Variants in ARHGAP11A observed in about 807,000 individuals in gnomAD.
The protein encoded by ARHGAP11A is rho GTPase-activating protein 11A.
ARHGAP11A carries 36 observed loss-of-function variants against 60.5 expected under a neutral mutation model. The ratio of observed to expected loss-of-function variants is 0.59; its 90% CI spans 0.46 to 0.79. The LOEUF is 0.79. Among genes scored for constraint, ARHGAP11A ranks in the 30% least tolerant of loss-of-function variants. The pLI is 0.00. For synonymous variants in ARHGAP11A, 362 were observed against 415.5 expected, an observed-to-expected ratio of 0.87 and a Z score of 1.57; for missense variants, 1,071 against 1,199.2, an observed-to-expected ratio of 0.89 and a Z score of 1.58.
At chr15:32,629,011 T>A (rs184222908) in intron 7 of ARHGAP11A, among the ~76,000 whole-genome samples, 28 of 152,238 alleles carry the variant, frequency 1.8e-4, no homozygotes, top group East Asian at 1.5e-3. Context: ...TAGGCAAAAA[T>A]TTTTTTAGTC....
chr15:32,639,415 GATGTTT>G lies in ARHGAP11A; in HGVS notation c.*1574_*1579del, dbSNP rs1349012442. 6.6e-6 allele frequency: 1 copy of G among 152,194 alleles called. No homozygotes were observed. The highest frequency in any genetic ancestry group is 1.5e-5 in the Non-Finnish European group (1 of 68,024). The allele number at this position is 152,194 out of a possible 1,614,324, so 9.4% of individuals were successfully genotyped here. On this transcript the variant is annotated 3_prime_UTR_variant, in exon 12 of 12. Coordinates refer to ENST00000361627, the MANE Select transcript of ARHGAP11A (RefSeq NM_014783.6). ...TTATTTGATATCAAATAGGTTTGTA[GATGTTT>G]ATGGCATTTCTAATTGTAAGTAGAG... is the stretch of plus-strand genomic sequence containing the variant.
chr15:32,623,407 G>T lies in ARHGAP11A; in HGVS notation c.201-85G>T, dbSNP rs890422358. On this transcript the variant is annotated intron_variant, in intron 2 of 11. Transcript: ENST00000361627. ...TGGCTTTAGAGCCTCTGAAAGGTAC[G>T]TAGTGCTTGGCCTGCTCATGTATGT... 3.1e-6 allele frequency: 4 copies of T among 1,284,212 alleles called. No individual in the cohort carries two copies. The African/African-American group carries it at 4.5e-5, about 14-fold the overall frequency. 79.6% of individuals were successfully genotyped at this position (1,284,212 alleles called of 1,614,324 possible). A position where few individuals can be genotyped will look rare whatever the true frequency, so the allele number is the denominator to read the frequency against.
At chr15:32,616,761 G>A (rs1365167408) in intron 1 of ARHGAP11A, among the ~76,000 whole-genome samples, 2 of 152,118 alleles carry the variant, frequency 1.3e-5, no homozygotes, top group Non-Finnish European at 2.9e-5. Context: ...ACGTTGGGAG[G>A]GACAAAAACT....
At chr15:32,632,929 T>C (rs765869258) in intron 8 of ARHGAP11A, 50 bp from the exon 9 acceptor site, 17 of 1,517,014 alleles carry the variant, frequency 1.1e-5, no homozygotes, top group Non-Finnish European at 1.5e-5. Context: ...TTTTATACTT[T>C]AAAAGGAAAA....
At position 32,638,573 on chromosome 15, in the gene ARHGAP11A, T is replaced by G. The variant is rs2053778254; in HGVS notation, c.*728T>G. 6.6e-6 allele frequency: 1 copy of G among 152,382 alleles called. No homozygotes were observed. Among genetic ancestry groups the G allele is most frequent in the African/African-American group, 2.4e-5 (1 of 41,452 alleles). 9.4% of individuals were successfully genotyped at this position (152,382 alleles called of 1,614,324 possible). On this transcript the variant is annotated 3_prime_UTR_variant, in exon 12 of 12. Transcript: ENST00000361627. ...AATCTTATGTCTGGAATTATATTAATGTTTATTGTCCTTGCCAAAATTCCT... is the reference window on the plus strand; with the variant it reads ...AATCTTATGTCTGGAATTATATTAAGGTTTATTGTCCTTGCCAAAATTCCT...
In ARHGAP11A at chr15:32,637,274, A is replaced by G; in HGVS notation, c.2501A>G (p.Gln834Arg). ...AAAGTCAAGTCACCTCTTAAGTTTCAGCGTACTCCTGTTCGTCAGTCCGTC... is the reference window on the plus strand; with the variant it reads ...AAAGTCAAGTCACCTCTTAAGTTTCGGCGTACTCCTGTTCGTCAGTCCGTC... ...RIKVKSPLKFQRTPVRQSVRR... is the reference protein window; with the variant it reads ...RIKVKSPLKFRRTPVRQSVRR... Residue 834 changes from glutamine (Q) to arginine (R), a missense_variant, in exon 12 of 12, where the codon CAG becomes CGG. Gln to Arg is a conservative substitution (Grantham distance 43). This residue lies in a region of ARHGAP11A where 776 missense variants were observed against 760.2 expected (regional missense o/e 1.02). Coordinates refer to ENST00000361627, the MANE Select transcript of ARHGAP11A (RefSeq NM_014783.6). 6.2e-7 allele frequency: 1 copy of G among 1,614,246 alleles called. No homozygotes were observed. The highest frequency in any genetic ancestry group is 2.2e-5 in the East Asian group (1 of 44,888).
chr15:32,621,856 A>T (rs1404639847), intron 2 of ARHGAP11A, among the ~76,000 whole-genome samples: 46 of 152,340 alleles, frequency 3.0e-4, no homozygotes, highest in African/African-American at 1.1e-3. Context: ...AAAAGAATGT[A>T]ATCTAAAAAT....
rs566787235 is a variant in ARHGAP11A, at chr15:32,617,468, T to C, written c.129+1128T>C. On this transcript the variant is annotated intron_variant, in intron 1 of 11. Coordinates refer to ENST00000361627, the MANE Select transcript of ARHGAP11A (RefSeq NM_014783.6). ...TTTTTTTCACCCCTTTTCTTTTCTTTTCCTTTTTTTTTTTTTTTTTTGAGA... is the reference window on the plus strand; with the variant it reads ...TTTTTTTCACCCCTTTTCTTTTCTTCTCCTTTTTTTTTTTTTTTTTTGAGA... Among the ~76,000 whole-genome samples, 28 of 132,908 alleles carry C rather than the reference T, an allele frequency of 2.1e-4. 1 individual carries two copies. Among genetic ancestry groups the C allele is most frequent in the Admixed American group, 1.9e-3 (25 of 13,158 alleles). 87.2% of individuals were successfully genotyped at this position (132,908 alleles called of 152,430 possible).
intron 6 of ARHGAP11A, among the ~76,000 whole-genome samples, chr15:32,626,678 T>C (rs1003505804): frequency 2.6e-5 from 4 of 152,276 alleles, no homozygotes; most frequent in South Asian, 4.1e-4. Context: ...TTCTGGAGGC[T>C]AGAAGTCTGA....
rs185707570 is a variant in ARHGAP11A, at chr15:32,616,420, A to C, written c.129+80A>C. ...TCACTTACTACCAGATCGTGCTAAA[A>C]TGTTCACTCTGTGTATCAAAAAGAA... On this transcript the variant is annotated intron_variant, in intron 1 of 11. Coordinates refer to ENST00000361627, the MANE Select transcript of ARHGAP11A (RefSeq NM_014783.6). 9.9e-5 allele frequency: 157 copies of C among 1,590,570 alleles called. 1 individual carries two copies. The Admixed American group carries it at 2.7e-3, about 27-fold the overall frequency.
Position 32,637,928 on chromosome 15 carries a change from A to G in ARHGAP11A, c.*83A>G. Reference sequence around the variant, plus strand: ...CAGGATGATGTACATGTTAGTTTGTAGCTCAGGATGATTGTTAAGCAATAG... The same window carrying G: ...CAGGATGATGTACATGTTAGTTTGTGGCTCAGGATGATTGTTAAGCAATAG... On this transcript the variant is annotated 3_prime_UTR_variant, in exon 12 of 12. Transcript: ENST00000361627. 8.3e-7 allele frequency: 1 copy of G among 1,199,214 alleles called. No individual in the cohort carries two copies. Among genetic ancestry groups the G allele is most frequent in the East Asian group, 2.5e-5 (1 of 39,836 alleles). 74.3% of individuals were successfully genotyped at this position (1,199,214 alleles called of 1,614,324 possible).
At chr15:32,623,163 TA>T (rs1193878245) in intron 2 of ARHGAP11A, among the ~76,000 whole-genome samples, 1 of 149,688 alleles carries the variant, frequency 6.7e-6, no homozygotes, top group South Asian at 2.1e-4. Flanking sequence ...AATGATTGGA[TA>T]GGGGTGAGTA....
intron 6 of ARHGAP11A, among the ~76,000 whole-genome samples, chr15:32,626,574 A>G (rs1004255472): frequency 2.0e-5 from 3 of 152,136 alleles, no homozygotes; most frequent in Non-Finnish European, 4.4e-5. Flanking sequence ...TGTAGATAGG[A>G]TAATACTGAT....
Position 32,637,232 on chromosome 15 carries a change from A to G in ARHGAP11A, c.2459A>G (p.Asn820Ser). Residue 820 changes from asparagine (N) to serine (S), a missense_variant, in exon 12 of 12, where the codon AAT (asparagine) becomes AGT (serine). Coordinates refer to ENST00000361627, the MANE Select transcript of ARHGAP11A (RefSeq NM_014783.6). ...HIQWFNKLSL[N>S]EPNRIKVKSP... Reference sequence around the variant, plus strand: ...CAGTGGTTTAACAAGCTTTCTTTAAATGAACCAAATAGAATAAAAGTCAAG... The same window carrying G: ...CAGTGGTTTAACAAGCTTTCTTTAAGTGAACCAAATAGAATAAAAGTCAAG... 6.2e-7 allele frequency: 1 copy of G among 1,614,254 alleles called. No individual in the cohort carries two copies. The highest frequency in any genetic ancestry group is 8.5e-7 in the Non-Finnish European group (1 of 1,180,048).
At chr15:32,627,643 G>A (rs530751028) in intron 6 of ARHGAP11A, among the ~76,000 whole-genome samples, 13 of 151,964 alleles carry the variant, frequency 8.6e-5, no homozygotes, top group Non-Finnish European at 1.2e-4. Context: ...GCAGGAGAAT[G>A]GTGTGAACCT....
In ARHGAP11A at chr15:32,624,211, A is replaced by C; in HGVS notation, c.336A>C (p.Ala112=). The C allele has an allele frequency of 6.2e-7, 1 of 1,612,156 alleles. No homozygotes were observed. The part of the protein sequence containing the change: ...VDHGEGCLSS[A]PPCDIAGLLK... ...ATGGTGAAGGTTGCCTATCTTCTGC[A>C]CCTCCTTGTGATATTGCGGGACTTC... The change falls in exon 4 of 12, where the codon GCA becomes GCC. Residue 112 remains alanine (A), a synonymous_variant. Coordinates refer to ENST00000361627, the MANE Select transcript of ARHGAP11A (RefSeq NM_014783.6).
chr15:32,633,996 A>C lies in ARHGAP11A; in HGVS notation c.1299A>C (p.Arg433Ser). The C allele has an allele frequency of 6.2e-7, 1 of 1,608,326 alleles. No homozygotes were observed. Among genetic ancestry groups the C allele is most frequent in the African/African-American group, 1.3e-5 (1 of 74,720 alleles). The change falls in exon 10 of 12, where the codon AGA becomes AGC. Residue 433 changes from arginine to serine, a missense_variant. Around this residue, in one of 4 missense-constraint regions of ARHGAP11A, gnomAD observed 776 missense variants for 760.2 expected, o/e 1.02. Coordinates refer to ENST00000361627, the MANE Select transcript of ARHGAP11A (RefSeq NM_014783.6). Reference protein sequence around the residue: ...PKISHKEKVRRSLRLKFNLGK... With the variant: ...PKISHKEKVRSSLRLKFNLGK... ...TCAGCCATAAAGAAAAGGTTCGAAG[A>C]TCTCTGCGTTTGAAATTCAATCTAG...
chr15:32,622,860 G>A (rs192037287), intron 2 of ARHGAP11A, among the ~76,000 whole-genome samples: 26 of 152,344 alleles, frequency 1.7e-4, no homozygotes, highest in African/African-American at 5.5e-4. Flanking sequence ...CCCATGAAGA[G>A]ATAGTAGATA....
Position 32,636,998 on chromosome 15 carries a change from A to C in ARHGAP11A, c.2225A>C (p.Asn742Thr), listed in dbSNP as rs138279948. 297 of 1,611,620 alleles carry C rather than the reference A, an allele frequency of 1.8e-4. 2 individuals are homozygous for C. The highest frequency in any genetic ancestry group is 8.3e-4 in the Middle Eastern group (5 of 6,040). ...AATAATAAATTAAAAGAGAATGAGAATATGATGGAAGGTAACTTACCGAAG... is the reference window on the plus strand; with the variant it reads ...AATAATAAATTAAAAGAGAATGAGACTATGATGGAAGGTAACTTACCGAAG... ...KLNNKLKENE[N>T]MMEGNLPKCA... Residue 742 changes from asparagine to threonine, a missense_variant, in exon 12 of 12, where the codon AAT becomes ACT. Transcript: ENST00000361627.
Sources: gnomAD v4.1 joint callset for allele counts (sites outside exome capture counted in the v4.1 genomes callset) on GRCh38, gnomAD v4.1.1 for gene constraint, gnomAD v4.1.1 regional missense constraint, MANE v1.5 for transcripts, NCBI Gene and HGNC (gene_info 2026-07-23, HGNC 2026-07-21) for gene names.